ZNF226: variants seen among roughly 807,000 people sequenced by gnomAD.
ZNF226 encodes the protein zinc finger protein 226.
ZNF226 carries 6 observed loss-of-function variants against 11.4 expected under a neutral mutation model. The ratio of observed to expected loss-of-function variants is 0.53; its 90% CI spans 0.29 to 1.04. The LOEUF is 1.04. Ranked by LOEUF, ZNF226 falls within the 50% of genes least tolerant of loss-of-function variation. ZNF226 has a pLI of 0.08. For synonymous variants in ZNF226, 350 were observed against 322.8 expected (o/e 1.08, Z -0.90); for missense variants, 1,058 against 956.5 (o/e 1.11, Z -1.40).
At position 44,175,737 on chromosome 19, in the gene ZNF226, A is replaced by G. The variant is rs138021279; in HGVS notation, c.475A>G (p.Thr159Ala). 1.2e-6 allele frequency: 2 copies of G among 1,612,958 alleles called. No individual in the cohort carries two copies. The highest frequency in any genetic ancestry group is 2.7e-5 in the African/African-American group (2 of 74,960). ...AAATAAAGCAGATGGTCCCAATAAT[A>G]CTGGGAATCCAGAGTTTCCTATCTT... is the stretch of plus-strand genomic sequence containing the variant. ...IVNKADGPNN[T>A]GNPEFPILRT... Residue 159 changes from threonine (T) to alanine (A), a missense_variant, in exon 6 of 6, where the codon ACT (threonine) becomes GCT (alanine). By Grantham distance (58) the Thr-to-Ala change is moderately conservative. Transcript: ENST00000337433.
At chr19:44,166,115 A>G (rs868612099) in intron 2 of ZNF226, among the ~76,000 whole-genome samples, 1 of 152,238 alleles carries the variant, frequency 6.6e-6, no homozygotes, top group African/African-American at 2.4e-5. Context: ...TATGTTCTGC[A>G]TGAGCCATAG....
At chr19:44,167,545 C>G (rs990552987) in intron 2 of ZNF226, among the ~76,000 whole-genome samples, 4 of 152,032 alleles carry the variant, frequency 2.6e-5, no homozygotes, top group African/African-American at 9.7e-5. Flanking sequence ...GTCTCGAACT[C>G]CTGACCTCAG....
the ZNF226 span, among the ~76,000 whole-genome samples, chr19:44,195,337 G>A: frequency 2.4e-3 from 364 of 152,300 alleles, 3 homozygotes; most frequent in Middle Eastern, 0.01. Context: ...CACAAAAGGG[G>A]TCAATGTTGG....
downstream of ZNF226, chr19:44,177,686 G>T: frequency 6.4e-7 from 1 of 1,557,546 alleles, no homozygotes. Flanking sequence ...TCTTTGTGAA[G>T]ACTCGTGTCA....
rs1555784453 is a variant in ZNF226, at chr19:44,176,310, C to T, written c.1048C>T (p.Leu350Phe). ...CGKGFSRRSALNVHCKVHTAE... is the reference protein window; with the variant it reads ...CGKGFSRRSAFNVHCKVHTAE... ...GAAAGGTTTCAGTCGTAGATCAGCA[C>T]TTAATGTTCATTGCAAGGTCCACAC... The change falls in exon 6 of 6, where the codon CTT becomes TTT. Residue 350 changes from leucine to phenylalanine, a missense_variant. By Grantham distance (22) the Leu-to-Phe change is conservative. Coordinates refer to ENST00000337433, the MANE Select transcript of ZNF226 (RefSeq NM_001032373.2). 2.5e-6 allele frequency: 4 copies of T among 1,614,176 alleles called. No homozygotes were observed. Among genetic ancestry groups the T allele is most frequent in the Non-Finnish European group, 2.5e-6 (3 of 1,180,028 alleles).
chr19:44,181,853 T>C (rs1970910517), downstream of ZNF226, among the ~76,000 whole-genome samples: 2 of 152,188 alleles, frequency 1.3e-5, no homozygotes, highest in South Asian at 4.1e-4. Flanking sequence ...CTCTCATTTT[T>C]CTAGACCAAT....
intron 3 of ZNF226, 78 bp from the exon 4 acceptor site, chr19:44,172,010 C>G (rs1407939118): frequency 6.4e-7 from 1 of 1,566,126 alleles, no homozygotes; most frequent in African/African-American, 1.4e-5. Context: ...TCCAGAACAA[C>G]TTTCCACCTG....
Position 44,177,610 on chromosome 19 carries a change from A to G in ZNF226, c.2348A>G (p.Tyr783Cys), listed in dbSNP as rs1026760357. ...HHRIHVGDKS[Y>C]KSNRGGKNIR... is the part of the protein sequence containing the mutation. ...AGAATCCATGTTGGTGATAAATCCT[A>G]TAAAAGTAATAGGGGTGGTAAGAAC... Residue 783 changes from tyrosine to cysteine, a missense_variant, in exon 6 of 6, where the codon TAT becomes TGT. Physicochemically the swap from Tyr to Cys is radical, Grantham distance 194 (BLOSUM62 -2). Coordinates refer to ENST00000337433, the MANE Select transcript of ZNF226 (RefSeq NM_001032373.2). 4 of 1,613,568 alleles carry G rather than the reference A, an allele frequency of 2.5e-6. No individual in the cohort carries two copies. The highest frequency in any genetic ancestry group is 3.3e-5 in the Admixed American group (2 of 59,956).
chr19:44,177,035 G>GT lies in ZNF226; in HGVS notation c.1774dup (p.Cys592LeufsTer6), dbSNP rs1491496654. On this transcript the variant is annotated frameshift_variant, in exon 6 of 6. Transcript: ENST00000337433. LOFTEE classifies it low-confidence loss of function (END_TRUNC). ...GTGAGAAACCATACAAATGTGAAGA[G>GT]TGTGGCAAGGGATTTAGTCGTAGAG... The GT allele has an allele frequency of 1.2e-6, 2 of 1,614,052 alleles. No individual in the cohort carries two copies. The highest frequency in any genetic ancestry group is 1.7e-6 in the Non-Finnish European group (2 of 1,179,994).
the ZNF226 span, among the ~76,000 whole-genome samples, chr19:44,190,805 A>G: frequency 6.6e-6 from 1 of 152,344 alleles, no homozygotes; most frequent in South Asian, 2.1e-4. Context: ...ATTCATACTG[A>G]ATGTATGCAA....
downstream of ZNF226, among the ~76,000 whole-genome samples, chr19:44,181,322 C>T (rs377173027): frequency 5.3e-5 from 8 of 152,172 alleles, no homozygotes; most frequent in East Asian, 1.9e-4. Context: ...GTTAAGGCTG[C>T]AGTGAGCTGT....
chr19:44,174,812 A>G (rs1970532426), intron 5 of ZNF226: 1 of 490,470 alleles, frequency 2.0e-6, no homozygotes. Flanking sequence ...GACTCAGTGC[A>G]AAAGCCTTAG....
downstream of ZNF226, among the ~76,000 whole-genome samples, chr19:44,182,249 G>C (rs914538242): frequency 1.3e-5 from 2 of 152,208 alleles, no homozygotes; most frequent in African/African-American, 4.8e-5. Flanking sequence ...TTTTGGACTG[G>C]ATAGCTCTGT....
the ZNF226 span, among the ~76,000 whole-genome samples, chr19:44,192,509 A>G: frequency 1.3e-5 from 2 of 150,850 alleles, no homozygotes; most frequent in South Asian, 4.1e-4. Context: ...TAAAAAAAAC[A>G]AACCTTAATT....
At chr19:44,172,757 A>G in intron 4 of ZNF226, 103 bp from the exon 5 acceptor site, 1 of 898,582 alleles carries the variant, frequency 1.1e-6, no homozygotes, top group Non-Finnish European at 1.7e-6. Flanking sequence ...AAGTTTGAAA[A>G]ACACTGCTTT....
At chr19:44,179,920 TA>T (rs377114866), downstream of ZNF226, among the ~76,000 whole-genome samples, 2 of 149,850 alleles carry the variant, frequency 1.3e-5, no homozygotes, top group Non-Finnish European at 1.5e-5. Flanking sequence ...CCATCACTAT[TA>T]AAAAAAAATA....
chr19:44,199,237 C>G, the ZNF226 span, among the ~76,000 whole-genome samples: 1 of 152,032 alleles, frequency 6.6e-6, no homozygotes, highest in Non-Finnish European at 1.5e-5. Flanking sequence ...TGCAGTGGCA[C>G]AATCTTGGCT....
At chr19:44,184,190 T>C in the ZNF226 span, among the ~76,000 whole-genome samples, 15 of 152,348 alleles carry the variant, frequency 9.8e-5, no homozygotes, top group Non-Finnish European at 1.8e-4. Context: ...GATACAATGC[T>C]GATTGTACTT....
chr19:44,195,076 C>T, the ZNF226 span, among the ~76,000 whole-genome samples: 1 of 152,184 alleles, frequency 6.6e-6, no homozygotes, highest in South Asian at 2.1e-4. Context: ...ACATGCCTCA[C>T]AGAACGTAAG....
Sources: gnomAD v4.1 joint callset for allele counts (sites outside exome capture counted in the v4.1 genomes callset) on GRCh38, gnomAD v4.1.1 for gene constraint, MANE v1.5 for transcripts, NCBI Gene and HGNC (gene_info 2026-07-23, HGNC 2026-07-21) for gene names.